The following MARCHF3 variants were observed in gnomAD, a reference collection of about 807,000 sequenced individuals.
MARCHF3 encodes E3 ubiquitin-protein ligase MARCHF3.
MARCHF3 carries 13 observed loss-of-function variants against 24.2 expected under a neutral mutation model. The observed-to-expected ratio is 0.54, with a 90% CI of 0.35 to 0.85. MARCHF3 has a LOEUF of 0.85. Ranked by LOEUF, MARCHF3 falls within the 40% of genes least tolerant of loss-of-function variation. The pLI, the probability that MARCHF3 is intolerant of heterozygous loss-of-function variation, is 0.01. For missense variants in MARCHF3, 276 were observed against 325.0 expected, an observed-to-expected ratio of 0.85 and a Z score of 1.16; for synonymous variants, 144 against 137.3, an observed-to-expected ratio of 1.05 and a Z score of -0.34.
At chr5:126,942,981 AAAGGATATAAAAATAATATT>A (rs1213062567) in intron 1 of MARCHF3, among the ~76,000 whole-genome samples, 1 of 152,204 alleles carries the variant, frequency 6.6e-6, no homozygotes, top group Non-Finnish European at 1.5e-5. Context: ...AGAAAGTAAT[AAAGGATATAAAAATAATATT>A]AAGGCCAGGT....
intron 3 of MARCHF3, among the ~76,000 whole-genome samples, chr5:126,894,539 G>A (rs1433422139): frequency 6.6e-6 from 1 of 151,708 alleles, no homozygotes; most frequent in Non-Finnish European, 1.5e-5. Flanking sequence ...TTTCTCCTTT[G>A]CTTATGAAGG....
intron 1 of MARCHF3, among the ~76,000 whole-genome samples, chr5:127,012,643 G>A (rs751384826): frequency 6.6e-6 from 1 of 152,114 alleles, no homozygotes; most frequent in Non-Finnish European, 1.5e-5. Flanking sequence ...AAAACTATGG[G>A]CAAAAACTAA....
chr5:126,927,311 G>C (rs1165619456), intron 1 of MARCHF3, among the ~76,000 whole-genome samples: 2 of 152,134 alleles, frequency 1.3e-5, no homozygotes, highest in African/African-American at 4.8e-5. Flanking sequence ...GGATTCTTGT[G>C]GACCATGAAA....
At chr5:127,023,349 G>T (rs1037277444) in intron 1 of MARCHF3, among the ~76,000 whole-genome samples, 2 of 152,088 alleles carry the variant, frequency 1.3e-5, no homozygotes, top group Non-Finnish European at 2.9e-5. Context: ...GACCTGTACA[G>T]TTCAAACCTG....
At chr5:126,928,151 A>G (rs1330275579) in intron 1 of MARCHF3, among the ~76,000 whole-genome samples, 2 of 152,152 alleles carry the variant, frequency 1.3e-5, no homozygotes, top group Admixed American at 1.3e-4. Context: ...GAGCTCATTC[A>G]TTTGTTTTAT....
At chr5:127,003,914 A>G (rs1211744542) in intron 1 of MARCHF3, among the ~76,000 whole-genome samples, 1 of 152,160 alleles carries the variant, frequency 6.6e-6, no homozygotes, top group Non-Finnish European at 1.5e-5. Context: ...TTGACAGAAC[A>G]ATGAAGGGTG....
intron 3 of MARCHF3, among the ~76,000 whole-genome samples, chr5:126,896,407 A>T (rs976882708): frequency 6.6e-6 from 1 of 152,136 alleles, no homozygotes; most frequent in Non-Finnish European, 1.5e-5. Flanking sequence ...ACTGGCATTT[A>T]TAGAAGGGCA....
chr5:126,989,260 CAGAG>C (rs1373214526), intron 1 of MARCHF3, among the ~76,000 whole-genome samples: 1 of 151,716 alleles, frequency 6.6e-6, no homozygotes, highest in Non-Finnish European at 1.5e-5. Flanking sequence ...GCCTGGGTGA[CAGAG>C]AGAGACCCTG....
chr5:126,963,321 A>T (rs1326091684), intron 1 of MARCHF3, among the ~76,000 whole-genome samples: 12 of 152,196 alleles, frequency 7.9e-5, no homozygotes, highest in Admixed American at 7.9e-4. Flanking sequence ...TTTAAAAGAT[A>T]AACTAGAGTA....
At chr5:126,905,946 G>C (rs1418576704) in intron 3 of MARCHF3, among the ~76,000 whole-genome samples, 1 of 152,090 alleles carries the variant, frequency 6.6e-6, no homozygotes, top group Non-Finnish European at 1.5e-5. Context: ...GATATTGGCT[G>C]TGGGTTTGTC....
chr5:126,878,323 TATA>T lies in MARCHF3; in HGVS notation c.462_464del (p.Phe154_Ile155delinsLeu), dbSNP rs1753238071. On this transcript the variant is annotated inframe_deletion, in exon 4 of 5. Coordinates refer to ENST00000308660, the MANE Select transcript of MARCHF3 (RefSeq NM_178450.5). ...AGCCCGAGATGGTGGCCAGGGGAGTTATAAACAAGAAGCACACCATGTCGCCAA... is the reference window on the plus strand; with the variant it reads ...AGCCCGAGATGGTGGCCAGGGGAGTTAACAAGAAGCACACCATGTCGCCAA... 1 of 1,613,944 alleles carries T rather than the reference TATA, an allele frequency of 6.2e-7. No individual in the cohort carries two copies. The highest frequency in any genetic ancestry group is 8.5e-7 in the Non-Finnish European group (1 of 1,180,020).
intron 3 of MARCHF3, among the ~76,000 whole-genome samples, chr5:126,878,794 T>C (rs757860334): frequency 2.6e-5 from 4 of 152,154 alleles, no homozygotes; most frequent in Non-Finnish European, 4.4e-5. Flanking sequence ...CTGGAAACGG[T>C]TGAGTTGCTC....
At chr5:127,000,955 T>C (rs1328011455) in intron 1 of MARCHF3, among the ~76,000 whole-genome samples, 3 of 152,132 alleles carry the variant, frequency 2.0e-5, no homozygotes, top group African/African-American at 4.8e-5. Flanking sequence ...TAAAAAATTC[T>C]AGGGCCAGGT....
At chr5:126,878,058 G>T in intron 4 of MARCHF3, 127 bp downstream of exon 4, 3 of 839,448 alleles carry the variant, frequency 3.6e-6, no homozygotes, top group East Asian at 5.2e-5. Flanking sequence ...TCATGCTCCC[G>T]CCAGCAATCG....
At chr5:126,962,407 ATCATATATGT>A (rs1750667123) in intron 1 of MARCHF3, among the ~76,000 whole-genome samples, 1 of 152,008 alleles carries the variant, frequency 6.6e-6, no homozygotes, top group East Asian at 1.9e-4. Flanking sequence ...ATTAACAATA[ATCATATATGT>A]GTGTGTGTGT....
chr5:127,004,107 G>C (rs1003728949), intron 1 of MARCHF3, among the ~76,000 whole-genome samples: 2 of 152,162 alleles, frequency 1.3e-5, no homozygotes, highest in Non-Finnish European at 2.9e-5. Context: ...TGTTCCACAG[G>C]AACAAATGAG....
chr5:126,960,128 T>C (rs183343825), intron 1 of MARCHF3, among the ~76,000 whole-genome samples: 13 of 152,278 alleles, frequency 8.5e-5, no homozygotes, highest in African/African-American at 2.9e-4. Context: ...CATCTTGGAG[T>C]AAATCCAGCA....
At chr5:126,976,523 T>TC (rs1751203718) in intron 1 of MARCHF3, among the ~76,000 whole-genome samples, 1 of 151,000 alleles carries the variant, frequency 6.6e-6, no homozygotes, top group African/African-American at 2.5e-5. Context: ...CTGTGTGGTT[T>TC]CCAAAAGCTG....
At chr5:126,942,220 A>G (rs796911731) in intron 1 of MARCHF3, among the ~76,000 whole-genome samples, 3 of 152,350 alleles carry the variant, frequency 2.0e-5, no homozygotes, top group Non-Finnish European at 2.9e-5. Flanking sequence ...TAGAGAATCT[A>G]TTAGTTATTC....
Sources: allele counts gnomAD v4.1 joint callset (sites outside exome capture counted in the v4.1 genomes callset), GRCh38; gene constraint gnomAD v4.1.1; transcripts MANE v1.5; gene names NCBI Gene and HGNC (gene_info 2026-07-23, HGNC 2026-07-21).